SRD5A2: variants seen among roughly 807,000 people sequenced by gnomAD.
SRD5A2 encodes the protein 3-oxo-5-alpha-steroid 4-dehydrogenase 2.
Under a neutral mutation model 27.4 loss-of-function variants are expected in SRD5A2, and 30 were observed. The observed-to-expected ratio is 1.10, with a 90% CI of 0.82 to 1.49. SRD5A2 has a LOEUF of 1.49. Ranked by LOEUF, SRD5A2 falls within the 40% of genes most tolerant of loss-of-function variation. The pLI is 0.00. For missense variants in SRD5A2, 348 were observed against 323.4 expected, an observed-to-expected ratio of 1.08 and a Z score of -0.58; for synonymous variants, 141 against 133.6, an observed-to-expected ratio of 1.06 and a Z score of -0.38.
At chr2:31,611,679 T>C in the SRD5A2 span, among the ~76,000 whole-genome samples, 1 of 152,134 alleles carries the variant, frequency 6.6e-6, no homozygotes, top group Non-Finnish European at 1.5e-5. Flanking sequence ...ATGAAGATAA[T>C]ATGCAGTAAA....
At chr2:31,601,354 C>T in the SRD5A2 span, among the ~76,000 whole-genome samples, 1 of 151,940 alleles carries the variant, frequency 6.6e-6, no homozygotes, top group Non-Finnish European at 1.5e-5. Context: ...TACACCCTTC[C>T]AAGACTGAAC....
At chr2:31,621,797 T>C in the SRD5A2 span, among the ~76,000 whole-genome samples, 1 of 151,922 alleles carries the variant, frequency 6.6e-6, no homozygotes, top group Admixed American at 6.6e-5. Flanking sequence ...CCACCACCCC[T>C]GGCTAATTTT....
the SRD5A2 span, among the ~76,000 whole-genome samples, chr2:31,593,892 A>C: frequency 6.6e-6 from 1 of 152,220 alleles, no homozygotes; most frequent in African/African-American, 2.4e-5. Flanking sequence ...TCCTATCTTT[A>C]GCCTCCTTAA....
At chr2:31,656,547 TA>T in the SRD5A2 span, among the ~76,000 whole-genome samples, 2 of 152,186 alleles carry the variant, frequency 1.3e-5, no homozygotes, top group Admixed American at 1.3e-4. Context: ...AGTGCCTAAT[TA>T]AAAAAATACG....
intron 1 of SRD5A2, among the ~76,000 whole-genome samples, chr2:31,547,188 C>A (rs1041978558): frequency 2.2e-4 from 34 of 152,218 alleles, no homozygotes; most frequent in African/African-American, 7.9e-4. Flanking sequence ...CAGAAATAAA[C>A]CCTAATATAT....
At chr2:31,586,047 A>G in the SRD5A2 span, among the ~76,000 whole-genome samples, 6 of 151,590 alleles carry the variant, frequency 4.0e-5, no homozygotes, top group Non-Finnish European at 8.8e-5. Context: ...ATTATTATTT[A>G]TTATTATTAT....
the SRD5A2 span, among the ~76,000 whole-genome samples, chr2:31,627,748 G>A: frequency 2.0e-5 from 3 of 152,120 alleles, no homozygotes; most frequent in African/African-American, 7.2e-5. Flanking sequence ...TCAGAAGCAT[G>A]TTGTTTGATT....
At chr2:31,567,022 T>TAGTAG (rs1220625525) in intron 1 of SRD5A2, among the ~76,000 whole-genome samples, 4 of 152,222 alleles carry the variant, frequency 2.6e-5, no homozygotes, top group Admixed American at 6.5e-5. Flanking sequence ...GCTCCATATA[T>TAGTAG]TTATTTCCAT....
At chr2:31,546,114 A>G (rs1280892005) in intron 1 of SRD5A2, among the ~76,000 whole-genome samples, 1 of 152,202 alleles carries the variant, frequency 6.6e-6, no homozygotes, top group Non-Finnish European at 1.5e-5. Context: ...AATATTTTTC[A>G]AATGTCCATA....
chr2:31,644,336 G>A, the SRD5A2 span, among the ~76,000 whole-genome samples: 1 of 152,120 alleles, frequency 6.6e-6, no homozygotes, highest in Non-Finnish European at 1.5e-5. Context: ...TGCGATGCAC[G>A]ATCCAGGACT....
chr2:31,540,698 A>G (rs964277934), intron 1 of SRD5A2, among the ~76,000 whole-genome samples: 1 of 152,212 alleles, frequency 6.6e-6, no homozygotes, highest in Non-Finnish European at 1.5e-5. Flanking sequence ...TGGATGGTAC[A>G]TTGCAGTTAA....
intron 1 of SRD5A2, among the ~76,000 whole-genome samples, chr2:31,558,967 A>C (rs1002400120): frequency 1.4e-4 from 21 of 152,354 alleles, no homozygotes; most frequent in Middle Eastern, 3.4e-3. Flanking sequence ...AAATAAGGTC[A>C]TAGTCTAAGG....
upstream of SRD5A2, among the ~76,000 whole-genome samples, chr2:31,585,591 T>A (rs1667163130): frequency 6.6e-6 from 1 of 152,080 alleles, no homozygotes; most frequent in Non-Finnish European, 1.5e-5. Flanking sequence ...AAAGACCCAG[T>A]CATGGCAGCG....
At chr2:31,624,981 G>A in the SRD5A2 span, among the ~76,000 whole-genome samples, 133 of 152,308 alleles carry the variant, frequency 8.7e-4, no homozygotes, top group African/African-American at 3.1e-3. Flanking sequence ...CACCAACAGA[G>A]TAAAAGTGTT....
At chr2:31,580,576 A>G in intron 1 of SRD5A2, 44 bp downstream of exon 1, 1 of 1,459,222 alleles carries the variant, frequency 6.9e-7, no homozygotes, top group Non-Finnish European at 9.0e-7. Flanking sequence ...CGCCGGGAGC[A>G]GGGCAGTGCG....
At chr2:31,621,442 T>C in the SRD5A2 span, among the ~76,000 whole-genome samples, 2 of 152,148 alleles carry the variant, frequency 1.3e-5, no homozygotes, top group Admixed American at 6.6e-5. Flanking sequence ...ATTTTGTTCA[T>C]ATTTATTGCT....
chr2:31,578,523 G>C (rs973611502), intron 1 of SRD5A2, among the ~76,000 whole-genome samples: 3 of 152,142 alleles, frequency 2.0e-5, no homozygotes, highest in African/African-American at 7.2e-5. Flanking sequence ...CAGAGTGTTT[G>C]GCACACAGAG....
At chr2:31,599,673 A>C in the SRD5A2 span, among the ~76,000 whole-genome samples, 3 of 152,028 alleles carry the variant, frequency 2.0e-5, no homozygotes, top group African/African-American at 7.2e-5. Context: ...ATTAAGAGGA[A>C]AGTTTATAGC....
upstream of SRD5A2, chr2:31,580,977 A>C: frequency 6.8e-7 from 1 of 1,462,716 alleles, no homozygotes; most frequent in African/African-American, 1.4e-5. Context: ...ATGGAGCGCC[A>C]GACGCCACCC....
Sources: gnomAD v4.1 joint callset for allele counts (sites outside exome capture counted in the v4.1 genomes callset) on GRCh38, gnomAD v4.1.1 for gene constraint, MANE v1.5 for transcripts, NCBI Gene and HGNC (gene_info 2026-07-23, HGNC 2026-07-21) for gene names.